Variants in CACNA2D1 observed in about 807,000 individuals in gnomAD.
The protein encoded by CACNA2D1 is calcium voltage-gated channel auxiliary subunit alpha2delta 1.
In CACNA2D1, 53 loss-of-function variants were observed where a neutral mutation model predicts 171.5. The observed-to-expected ratio is 0.31, with a 90% CI of 0.25 to 0.39. The LOEUF (loss-of-function observed/expected upper bound fraction) is 0.39, where lower values mean the gene tolerates loss of function less well. Among genes scored for constraint, CACNA2D1 ranks in the 10% least tolerant of loss-of-function variants. The pLI, the probability that CACNA2D1 is intolerant of heterozygous loss-of-function variation, is 1.00. For missense variants in CACNA2D1, 903 were observed against 1,299.8 expected (o/e 0.69, Z 4.69); for synonymous variants, 442 against 443.1 (o/e 1.00, Z 0.03).
At position 82,240,793 on chromosome 7, in the gene CACNA2D1, C is replaced by G. The variant is rs1267519988; in HGVS notation, c.295-70184G>C. The stretch of plus-strand genomic sequence containing the variant: ...ACCATCCTGGCCAACATGGTGAAAC[C>G]CTGTCTCTACTAAAAATACAAAAAT... On this transcript the variant is annotated intron_variant, in intron 3 of 38. Transcript: ENST00000356860. Among the ~76,000 whole-genome samples, 5 of 152,034 alleles carry G rather than the reference C, an allele frequency of 3.3e-5. No homozygotes were observed. The South Asian group carries it at 1.0e-3, about 32-fold the overall frequency.
intron 3 of CACNA2D1, among the ~76,000 whole-genome samples, chr7:82,316,724 G>C (rs912494284): frequency 6.6e-6 from 1 of 152,166 alleles, no homozygotes; most frequent in Non-Finnish European, 1.5e-5. Context: ...ACCTGACTGG[G>C]GATGCCTCAC....
chr7:81,984,173 G>A (rs1054566431), intron 22 of CACNA2D1, among the ~76,000 whole-genome samples: 2 of 152,110 alleles, frequency 1.3e-5, no homozygotes, highest in East Asian at 3.8e-4. Context: ...CAAAGTAGAA[G>A]AAGATGTGAA....
intron 7 of CACNA2D1, among the ~76,000 whole-genome samples, chr7:82,084,467 T>G (rs778718252): frequency 1.3e-5 from 2 of 152,180 alleles, no homozygotes; most frequent in East Asian, 3.9e-4. Flanking sequence ...GGCCTTTATC[T>G]CAGAGCTGTT....
chr7:82,425,482 C>T (rs1829088745), intron 1 of CACNA2D1, among the ~76,000 whole-genome samples: 1 of 151,498 alleles, frequency 6.6e-6, no homozygotes, highest in Non-Finnish European at 1.5e-5. Flanking sequence ...TAGAAAATAC[C>T]AAACCAAAAT....
At chr7:82,004,729 G>A (rs756856370) in intron 18 of CACNA2D1, among the ~76,000 whole-genome samples, 15 of 152,054 alleles carry the variant, frequency 9.9e-5, no homozygotes, top group Admixed American at 3.3e-4. Context: ...ATTATAAGAC[G>A]TCTAAATAAA....
At chr7:82,001,062 T>C (rs550959124) in intron 18 of CACNA2D1, among the ~76,000 whole-genome samples, 1 of 152,216 alleles carries the variant, frequency 6.6e-6, no homozygotes, top group African/African-American at 2.4e-5. Flanking sequence ...TTATTAATAG[T>C]TTTACTGTGC....
At chr7:82,163,007 T>A (rs1436811910) in intron 4 of CACNA2D1, among the ~76,000 whole-genome samples, 2 of 152,000 alleles carry the variant, frequency 1.3e-5, no homozygotes, top group South Asian at 4.1e-4. Context: ...ATTTCCTCTT[T>A]CCCACAGTAA....
intron 3 of CACNA2D1, among the ~76,000 whole-genome samples, chr7:82,220,489 A>G (rs1801625620): frequency 6.6e-6 from 1 of 152,154 alleles, no homozygotes; most frequent in African/African-American, 2.4e-5. Context: ...CTGAGGACCC[A>G]AAAAGCTTTT....
chr7:82,218,111 T>C (rs552193893), intron 3 of CACNA2D1, among the ~76,000 whole-genome samples: 1 of 151,800 alleles, frequency 6.6e-6, no homozygotes, highest in Non-Finnish European at 1.5e-5. Flanking sequence ...ATCTTTTGTA[T>C]TTTTAGTAGA....
At chr7:82,247,695 G>C (rs1399372379) in intron 3 of CACNA2D1, among the ~76,000 whole-genome samples, 1 of 151,990 alleles carries the variant, frequency 6.6e-6, no homozygotes, top group Non-Finnish European at 1.5e-5. Context: ...TAACTACAAG[G>C]AAAGAGCCTC....
intron 4 of CACNA2D1, among the ~76,000 whole-genome samples, chr7:82,160,704 G>C (rs991473006): frequency 2.0e-5 from 3 of 151,950 alleles, no homozygotes; most frequent in Non-Finnish European, 4.4e-5. Context: ...GAAATCCTGG[G>C]CTCAAGTGAT....
At chr7:81,971,531 C>T (rs941795810) in intron 26 of CACNA2D1, among the ~76,000 whole-genome samples, 1 of 151,418 alleles carries the variant, frequency 6.6e-6, no homozygotes, top group Non-Finnish European at 1.5e-5. Context: ...ACAATCATGC[C>T]CATTTAATTT....
intron 2 of CACNA2D1, among the ~76,000 whole-genome samples, chr7:82,344,415 C>T (rs985433182): frequency 6.6e-6 from 1 of 152,112 alleles, no homozygotes; most frequent in Non-Finnish European, 1.5e-5. Context: ...CCCTCAAGTA[C>T]TAGCATAACT....
chr7:82,206,810 T>C (rs75168287), intron 3 of CACNA2D1, among the ~76,000 whole-genome samples: 5,181 of 152,262 alleles, frequency 0.034, 274 homozygotes, highest in African/African-American at 0.12. Flanking sequence ...TATGTTTATA[T>C]GTGTATGTGT....
intron 19 of CACNA2D1, 119 bp downstream of exon 19, chr7:81,997,060 G>T: frequency 1.3e-6 from 1 of 748,180 alleles, no homozygotes. Flanking sequence ...ATTCATCTTT[G>T]TGTATACAGT....
At chr7:82,098,020 A>C (rs575622453) in intron 6 of CACNA2D1, among the ~76,000 whole-genome samples, 1 of 152,310 alleles carries the variant, frequency 6.6e-6, no homozygotes. Context: ...AGGCTGAGGC[A>C]GGAGAATGAC....
At chr7:82,425,481 C>G (rs1829088478) in intron 1 of CACNA2D1, among the ~76,000 whole-genome samples, 1 of 151,564 alleles carries the variant, frequency 6.6e-6, no homozygotes, top group South Asian at 2.1e-4. Context: ...ATAGAAAATA[C>G]CAAACCAAAA....
At chr7:82,209,121 C>G (rs1241226750) in intron 3 of CACNA2D1, among the ~76,000 whole-genome samples, 1 of 152,158 alleles carries the variant, frequency 6.6e-6, no homozygotes, top group African/African-American at 2.4e-5. Context: ...CACAGCGTCT[C>G]ATGCAAACAT....
chr7:82,248,853 C>G (rs2129310677), intron 3 of CACNA2D1, among the ~76,000 whole-genome samples: 1 of 151,342 alleles, frequency 6.6e-6, no homozygotes, highest in South Asian at 2.1e-4. Context: ...CGCGGTGGCT[C>G]ACGCCTCTAA....
Sources: allele counts gnomAD v4.1 joint callset (sites outside exome capture counted in the v4.1 genomes callset), GRCh38; gene constraint gnomAD v4.1.1; transcripts MANE v1.5; gene names NCBI Gene and HGNC (gene_info 2026-07-23, HGNC 2026-07-21).